Variants in FHOD3 observed in about 807,000 individuals in gnomAD.
FHOD3 encodes FH1/FH2 domain-containing protein 3.
A neutral mutation model predicts 173.0 loss-of-function variants in FHOD3; 90 were observed. The observed-to-expected ratio is 0.52, with a 90% CI of 0.44 to 0.62. The LOEUF (loss-of-function observed/expected upper bound fraction) is 0.62. FHOD3 is among the 20% of genes least tolerant of loss of function. The probability of loss-of-function intolerance (pLI) is 0.00; values close to 1 mark genes in which losing one functional copy is unlikely to be tolerated. For missense variants in FHOD3, 1,945 were observed against 2,034.7 expected (o/e 0.96, Z 0.85); for synonymous variants, 828 against 823.0 (o/e 1.01, Z -0.10).
At chr18:36,611,905 G>A in intron 8 of FHOD3, 47 bp from the exon 9 acceptor site, 2 of 1,572,322 alleles carry the variant, frequency 1.3e-6, no homozygotes, top group Non-Finnish European at 1.7e-6. Context: ...AGAGCCTCAA[G>A]GCAGTCTTCT....
chr18:36,482,840 C>CAT (rs1383473393), intron 3 of FHOD3, among the ~76,000 whole-genome samples: 819 of 79,774 alleles, frequency 0.01, 17 homozygotes, highest in African/African-American at 0.038. Context: ...CACACACACA[C>CAT]ACACACTCAC....
intron 5 of FHOD3, among the ~76,000 whole-genome samples, chr18:36,548,478 T>C (rs1165108760): frequency 6.6e-6 from 1 of 152,222 alleles, no homozygotes; most frequent in East Asian, 1.9e-4. Flanking sequence ...AAAATCTTGA[T>C]ATGTTTGGAC....
intron 9 of FHOD3, among the ~76,000 whole-genome samples, chr18:36,613,298 G>A (rs552328237): frequency 1.1e-4 from 16 of 152,216 alleles, no homozygotes; most frequent in Non-Finnish European, 1.9e-4. Flanking sequence ...CACCCGTGAC[G>A]CCGGTTCTGC....
At chr18:36,481,056 A>G (rs2053864580) in intron 3 of FHOD3, among the ~76,000 whole-genome samples, 1 of 137,404 alleles carries the variant, frequency 7.3e-6, no homozygotes, top group South Asian at 2.3e-4. Flanking sequence ...TTTAAAGAGC[A>G]TAACTCATTT....
intron 3 of FHOD3, among the ~76,000 whole-genome samples, chr18:36,382,408 G>A (rs1340051999): frequency 1.3e-5 from 2 of 152,184 alleles, no homozygotes; most frequent in African/African-American, 2.4e-5. Context: ...ATTTATTGCT[G>A]TAACCGGATA....
Position 36,606,336 on chromosome 18 carries a change from A to T in FHOD3, c.813+3568A>T, listed in dbSNP as rs543674542. On this transcript the variant is annotated intron_variant, in intron 8 of 28. Transcript: ENST00000590592. ...GGCATCTTGTGAGGACCTTTTTGCC[A>T]TGCCATCCATGGTAGAGGGCAAGGG... Among the ~76,000 whole-genome samples the T allele has an allele frequency of 3.3e-5, 5 of 152,192 alleles. No homozygotes were observed. In the South Asian group the frequency reaches 1.0e-3, roughly 32 times the overall value.
At chr18:36,550,242 C>CTATATATATATATATATATATATA (rs2057590732) in intron 5 of FHOD3, among the ~76,000 whole-genome samples, 1 of 73,344 alleles carries the variant, frequency 1.4e-5, no homozygotes, top group African/African-American at 5.2e-5. Flanking sequence ...CAGTGGTAGA[C>CTATATATATATATATATATATATA]CATATATATA....
At chr18:36,760,365 C>T (rs1053903539) in intron 26 of FHOD3, among the ~76,000 whole-genome samples, 1 of 152,202 alleles carries the variant, frequency 6.6e-6, no homozygotes, top group Non-Finnish European at 1.5e-5. Context: ...GTGACAGAGA[C>T]GGCTACAATG....
intron 6 of FHOD3, among the ~76,000 whole-genome samples, chr18:36,584,978 C>G (rs4799870): frequency 0.33 from 50,056 of 151,922 alleles, 8,531 homozygotes; most frequent in East Asian, 0.41. Flanking sequence ...ACCTTTTCTT[C>G]TGATTTTTTA....
At chr18:36,563,079 A>G (rs914411637) in intron 5 of FHOD3, among the ~76,000 whole-genome samples, 2 of 152,176 alleles carry the variant, frequency 1.3e-5, no homozygotes, top group Non-Finnish European at 2.9e-5. Flanking sequence ...CAGAGTCTTC[A>G]TGGTTGGTGA....
At chr18:36,502,938 A>T (rs1446432400) in intron 4 of FHOD3, among the ~76,000 whole-genome samples, 1 of 152,154 alleles carries the variant, frequency 6.6e-6, no homozygotes, top group Non-Finnish European at 1.5e-5. Flanking sequence ...TGTAGCTCTG[A>T]TTGAAGATTG....
chr18:36,540,233 A>C (rs1394984243), intron 5 of FHOD3, among the ~76,000 whole-genome samples: 1 of 152,198 alleles, frequency 6.6e-6, no homozygotes, highest in Non-Finnish European at 1.5e-5. Context: ...AGTGATGTCT[A>C]ATTATTTACC....
At chr18:36,767,137 T>G (rs1239432300) in intron 27 of FHOD3, among the ~76,000 whole-genome samples, 1 of 152,198 alleles carries the variant, frequency 6.6e-6, no homozygotes, top group Admixed American at 6.5e-5. Flanking sequence ...CAACAGTTTA[T>G]TTTTTAAAAG....
At chr18:36,388,984 G>C (rs558780273) in intron 3 of FHOD3, among the ~76,000 whole-genome samples, 1 of 151,662 alleles carries the variant, frequency 6.6e-6, no homozygotes, top group Admixed American at 6.6e-5. Flanking sequence ...TGAGCAGGAT[G>C]GGGGGGCCCT....
intron 13 of FHOD3, among the ~76,000 whole-genome samples, chr18:36,655,401 G>T (rs1476850279): frequency 3.9e-5 from 6 of 152,010 alleles, no homozygotes; most frequent in Admixed American, 2.0e-4. Flanking sequence ...CGTTTGGTCT[G>T]CAAGCTTCAC....
chr18:36,443,135 G>A (rs1396578522), intron 3 of FHOD3, among the ~76,000 whole-genome samples: 1 of 152,124 alleles, frequency 6.6e-6, no homozygotes, highest in East Asian at 1.9e-4. Context: ...TGGGGTAGTG[G>A]TTTCTCCACT....
chr18:36,565,755 GA>G (rs2058240692), intron 5 of FHOD3, among the ~76,000 whole-genome samples: 1 of 152,060 alleles, frequency 6.6e-6, no homozygotes, highest in Admixed American at 6.5e-5. Context: ...TTCTGTAAAA[GA>G]AAATGAAGTG....
At chr18:36,302,326 C>T (rs1298358142) in intron 1 of FHOD3, among the ~76,000 whole-genome samples, 1 of 152,172 alleles carries the variant, frequency 6.6e-6, no homozygotes, top group African/African-American at 2.4e-5. Flanking sequence ...AATCTAGCTA[C>T]TCCAAGTGTG....
chr18:36,475,687 G>C (rs2053526302), intron 3 of FHOD3, among the ~76,000 whole-genome samples: 1 of 151,444 alleles, frequency 6.6e-6, no homozygotes. Context: ...AACAAATAGA[G>C]CAATGTATAC....
Sources: allele counts gnomAD v4.1 joint callset (sites outside exome capture counted in the v4.1 genomes callset), GRCh38; gene constraint gnomAD v4.1.1; transcripts MANE v1.5; gene names NCBI Gene and HGNC (gene_info 2026-07-23, HGNC 2026-07-21).